Variants in STXBP5 observed in about 807,000 individuals in gnomAD.
STXBP5 encodes the protein syntaxin binding protein 5.
A neutral mutation model predicts 152.4 loss-of-function variants in STXBP5; 50 were observed. The ratio of observed to expected loss-of-function variants is 0.33; its 90% CI spans 0.26 to 0.42. The LOEUF is 0.42. Among genes scored for constraint, STXBP5 ranks in the 10% least tolerant of loss-of-function variants. STXBP5 has a pLI of 1.00. For synonymous variants in STXBP5, 492 were observed against 494.7 expected, an observed-to-expected ratio of 0.99 and a Z score of 0.07; for missense variants, 1,167 against 1,388.6, an observed-to-expected ratio of 0.84 and a Z score of 2.54.
chr6:147,359,047 A>G (rs1013970109), intron 22 of STXBP5, 37 bp from the exon 23 acceptor site: 2 of 1,595,920 alleles, frequency 1.3e-6, no homozygotes, highest in African/African-American at 2.7e-5. Context: ...CTTCTTTTAT[A>G]ACTTGAGCAA....
intron 26 of STXBP5, among the ~76,000 whole-genome samples, chr6:147,374,772 T>G (rs1035650050): frequency 2.6e-5 from 4 of 152,168 alleles, no homozygotes; most frequent in Non-Finnish European, 5.9e-5. Flanking sequence ...TAAGCTGTGC[T>G]AGAGCTAGCA....
intron 6 of STXBP5, among the ~76,000 whole-genome samples, chr6:147,263,166 A>C (rs2115349432): frequency 6.6e-6 from 1 of 152,006 alleles, no homozygotes; most frequent in Admixed American, 6.6e-5. Context: ...GCCATTGGGT[A>C]AACAAAAGGA....
chr6:147,291,569 T>C (rs1462878525), intron 9 of STXBP5, among the ~76,000 whole-genome samples: 1 of 152,130 alleles, frequency 6.6e-6, no homozygotes, highest in Non-Finnish European at 1.5e-5. Context: ...AGAAATTAAA[T>C]CTTATATGAG....
At chr6:147,286,212 G>A (rs1404063208) in intron 8 of STXBP5, among the ~76,000 whole-genome samples, 1 of 151,960 alleles carries the variant, frequency 6.6e-6, no homozygotes, top group East Asian at 1.9e-4. Flanking sequence ...GTTCTTTCCA[G>A]TTCCTTGGTC....
intron 9 of STXBP5, among the ~76,000 whole-genome samples, chr6:147,295,520 A>G (rs1781473291): frequency 6.6e-6 from 1 of 152,218 alleles, no homozygotes; most frequent in South Asian, 2.1e-4. Context: ...TCTGAAGGAA[A>G]GTGATAGAGC....
At position 147,324,303 on chromosome 6, in the gene STXBP5, G is replaced by C. The variant is rs562740515; in HGVS notation, c.1803-656G>C. ...TTTTTTTTTTTTGAGACAGAGTTTC[G>C]CTCTTGTTGCCCAGGCTGGAGTACA... is the stretch of plus-strand genomic sequence containing the variant. On this transcript the variant is annotated intron_variant, in intron 16 of 27. Transcript: ENST00000321680. 7.9e-5 allele frequency among the ~76,000 whole-genome samples: 7 copies of C among 88,292 alleles called. No individual in the cohort carries two copies. In the East Asian group the frequency reaches 2.3e-3, roughly 29 times the overall value. The allele number at this position is 88,292 out of a possible 152,430, so 57.9% of individuals were successfully genotyped here. A position where few individuals can be genotyped will look rare whatever the true frequency, so the allele number is the denominator to read the frequency against.
chr6:147,314,516 G>T, intron 13 of STXBP5, 80 bp from the exon 14 acceptor site: 2 of 1,464,480 alleles, frequency 1.4e-6, no homozygotes, highest in Non-Finnish European at 1.9e-6. Context: ...TCATTTTGTT[G>T]ACTTTTTAAT....
intron 9 of STXBP5, chr6:147,292,314 A>G (rs1781319752): frequency 6.5e-5 from 29 of 444,144 alleles, no homozygotes; most frequent in South Asian, 4.6e-4. Context: ...GATTAAATGA[A>G]CTCTAAGAGG....
At chr6:147,221,340 A>T (rs978983110) in intron 2 of STXBP5, among the ~76,000 whole-genome samples, 1 of 151,934 alleles carries the variant, frequency 6.6e-6, no homozygotes, top group Non-Finnish European at 1.5e-5. Flanking sequence ...TAAGAAACAG[A>T]AAAGTTTTTA....
chr6:147,336,439 TAAAG>T (rs1024833839), intron 19 of STXBP5, among the ~76,000 whole-genome samples: 6 of 151,888 alleles, frequency 4.0e-5, no homozygotes, highest in African/African-American at 1.5e-4. Flanking sequence ...AATAGGAAAA[TAAAG>T]AAATAATTTA....
At chr6:147,264,688 C>T (rs905754656) in intron 6 of STXBP5, among the ~76,000 whole-genome samples, 1 of 152,066 alleles carries the variant, frequency 6.6e-6, no homozygotes. Flanking sequence ...TAATTAACAT[C>T]TCTATGGGTT....
chr6:147,317,610 G>A (rs538172450), intron 16 of STXBP5, among the ~76,000 whole-genome samples: 1 of 152,224 alleles, frequency 6.6e-6, no homozygotes, highest in African/African-American at 2.4e-5. Context: ...CCAAGGATGA[G>A]AACCTCTGAT....
intron 25 of STXBP5, among the ~76,000 whole-genome samples, chr6:147,369,711 G>A (rs1480342288): frequency 6.6e-6 from 1 of 151,932 alleles, no homozygotes; most frequent in Non-Finnish European, 1.5e-5. Flanking sequence ...TTAGAGAACT[G>A]CAAATTAAAA....
At chr6:147,243,457 A>G (rs1227071414) in intron 4 of STXBP5, among the ~76,000 whole-genome samples, 1 of 152,118 alleles carries the variant, frequency 6.6e-6, no homozygotes, top group African/African-American at 2.4e-5. Flanking sequence ...AATTTTAATA[A>G]TTCTTTGTAT....
At chr6:147,328,878 T>C (rs1419610538) in intron 18 of STXBP5, 1 of 421,770 alleles carries the variant, frequency 2.4e-6, no homozygotes, top group Admixed American at 2.7e-5. Flanking sequence ...GTTCTATGTC[T>C]AAAACACTGT....
At chr6:147,350,476 A>T (rs1268705492) in intron 21 of STXBP5, among the ~76,000 whole-genome samples, 1 of 152,154 alleles carries the variant, frequency 6.6e-6, no homozygotes, top group Non-Finnish European at 1.5e-5. Flanking sequence ...TTAACGTTTA[A>T]TGTATTCAGA....
intron 14 of STXBP5, 119 bp from the exon 15 acceptor site, chr6:147,315,396 T>C (rs894213724): frequency 3.0e-5 from 19 of 635,170 alleles, no homozygotes; most frequent in Non-Finnish European, 4.5e-5. Context: ...AATTGAGAAA[T>C]GAAAATATGA....
rs115028736 is a variant in STXBP5 at position 147,243,897 on chromosome 6, A to G, written c.431+4627A>G. Among the ~76,000 whole-genome samples, 1,307 of 151,870 alleles carry G rather than the reference A, an allele frequency of 8.6e-3. 28 individuals carry two copies. Among genetic ancestry groups the G allele is most frequent in the African/African-American group, 0.03 (1,255 of 41,438 alleles). On this transcript the variant is annotated intron_variant, in intron 4 of 27. Transcript: ENST00000321680. Reference sequence around the variant, plus strand: ...AATTGTATTTGCTCCTTTATCAGGGAGCAATTTACTGTATTTAAGTAGATC... The same window carrying G: ...AATTGTATTTGCTCCTTTATCAGGGGGCAATTTACTGTATTTAAGTAGATC...
intron 7 of STXBP5, among the ~76,000 whole-genome samples, chr6:147,272,671 T>C (rs543226552): frequency 3.2e-4 from 48 of 152,312 alleles, no homozygotes; most frequent in African/African-American, 1.1e-3. Context: ...GGTATATTAC[T>C]GTATTCAAAT....
Sources: gnomAD v4.1 joint callset for allele counts (sites outside exome capture counted in the v4.1 genomes callset) on GRCh38, gnomAD v4.1.1 for gene constraint, MANE v1.5 for transcripts, NCBI Gene and HGNC (gene_info 2026-07-23, HGNC 2026-07-21) for gene names.